FAM184B: variants seen among roughly 807,000 people sequenced by gnomAD.
FAM184B encodes family with sequence similarity 184 member B.
Under a neutral mutation model 135.9 loss-of-function variants are expected in FAM184B, and 111 were observed. The observed-to-expected ratio is 0.82, with a 90% CI of 0.70 to 0.96. The LOEUF is 0.96. Ranked by LOEUF, FAM184B falls within the 40% of genes least tolerant of loss-of-function variation. FAM184B has a pLI of 0.00. For missense variants in FAM184B, 1,375 were observed against 1,323.9 expected (o/e 1.04, Z -0.60); for synonymous variants, 552 against 524.8 (o/e 1.05, Z -0.71).
chr4:17,671,220 C>T (rs1716162316), intron 7 of FAM184B, among the ~76,000 whole-genome samples: 1 of 151,986 alleles, frequency 6.6e-6, no homozygotes, highest in African/African-American at 2.4e-5. Context: ...CATGAAGAGA[C>T]CCCCTACACC....
intron 1 of FAM184B, among the ~76,000 whole-genome samples, chr4:17,727,681 T>C (rs959531156): frequency 6.6e-6 from 1 of 152,114 alleles, no homozygotes; most frequent in Non-Finnish European, 1.5e-5. Context: ...ACAGAACTCA[T>C]GAGAACTCAC....
chr4:17,658,317 G>T (rs758544420), intron 10 of FAM184B, 33 bp downstream of exon 10: 30 of 1,546,118 alleles, frequency 1.9e-5, no homozygotes, highest in Non-Finnish European at 7.9e-6. Flanking sequence ...GCAGGTGCCC[G>T]GCACAGAGTA....
rs569728839 is a variant in FAM184B, at chr4:17,740,560, T to C, written c.142-30916A>G. On this transcript the variant is annotated intron_variant, in intron 1 of 17. Transcript: ENST00000265018. ...CCTAGTTGAGCCACTGTTTATACTC[T>C]TCATTTCTTGAAATAAAATACATAA... Among the ~76,000 whole-genome samples, 6 of 152,300 alleles carry C rather than the reference T, an allele frequency of 3.9e-5. No homozygotes were observed. The South Asian group carries it at 1.2e-3, about 32-fold the overall frequency.
Position 17,641,455 on chromosome 4 carries a change from C to T in FAM184B, c.2519+601G>A, listed in dbSNP as rs1042062608. On this transcript the variant is annotated intron_variant, in intron 13 of 17. Transcript: ENST00000265018. ...CTGATTTGCAGGGAAACAAACAGGA[C>T]TCCCTCTTTTTTTTTTTTTTTTTTT... is the stretch of plus-strand genomic sequence containing the variant. 2.4e-5 allele frequency among the ~76,000 whole-genome samples: 3 copies of T among 125,534 alleles called. No individual in the cohort carries two copies. In the East Asian group the frequency reaches 7.4e-4, roughly 31 times the overall value. 82.4% of individuals were successfully genotyped at this position (125,534 alleles called of 152,430 possible).
chr4:17,680,471 A>G lies in FAM184B; in HGVS notation c.1596+7953T>C, dbSNP rs1466726882. ...GACACCACCTGTTCCCCAAAACCCT[A>G]CTGAAATAAACAAAACAAAACAAAA... On this transcript the variant is annotated intron_variant, in intron 7 of 17. Coordinates refer to ENST00000265018, the MANE Select transcript of FAM184B (RefSeq NM_015688.2). 2.0e-5 allele frequency among the ~76,000 whole-genome samples: 3 copies of G among 152,302 alleles called. No individual in the cohort carries two copies. In the East Asian group the frequency reaches 5.8e-4, roughly 29 times the overall value.
chr4:17,706,319 C>T (rs1717117587), intron 3 of FAM184B, among the ~76,000 whole-genome samples: 1 of 152,212 alleles, frequency 6.6e-6, no homozygotes. Context: ...ACCCACAACA[C>T]CTTTCTGGTT....
At chr4:17,719,776 A>G (rs956587957) in intron 1 of FAM184B, among the ~76,000 whole-genome samples, 69 of 152,248 alleles carry the variant, frequency 4.5e-4, no homozygotes, top group African/African-American at 1.6e-3. Flanking sequence ...CAACTTCCCT[A>G]TTCCTCTTGA....
intron 7 of FAM184B, among the ~76,000 whole-genome samples, chr4:17,673,881 C>T (rs1323508555): frequency 2.6e-5 from 4 of 151,992 alleles, no homozygotes; most frequent in Non-Finnish European, 4.4e-5. Context: ...ACTCATGTAA[C>T]CAAACACCAC....
At chr4:17,695,594 T>C (rs11722132) in intron 5 of FAM184B, among the ~76,000 whole-genome samples, 92,969 of 151,892 alleles carry the variant, frequency 0.61, 29,032 homozygotes, top group East Asian at 0.93. Context: ...GGGCCTGTGG[T>C]GGCAGTGCAG....
At chr4:17,719,226 G>C (rs1717465785) in intron 1 of FAM184B, among the ~76,000 whole-genome samples, 1 of 152,164 alleles carries the variant, frequency 6.6e-6, no homozygotes, top group Non-Finnish European at 1.5e-5. Context: ...TTGAAAACAA[G>C]CACTGTGACA....
chr4:17,640,539 G>A (rs1424011649), intron 13 of FAM184B, among the ~76,000 whole-genome samples: 1 of 151,052 alleles, frequency 6.6e-6, no homozygotes, highest in Admixed American at 6.6e-5. Context: ...AGCAATTTTG[G>A]GCCAACACAA....
rs1259506767 is a variant in FAM184B at position 17,707,829 on chromosome 4, A to G, written c.895-45T>C. On this transcript the variant is annotated intron_variant, in intron 2 of 17. Coordinates refer to ENST00000265018, the MANE Select transcript of FAM184B (RefSeq NM_015688.2). Reference sequence around the variant, plus strand: ...CCCATTTCTCTGGTTATAGCTCTGTATAGAGACATCCTGTGTACACAGAAT... The same window carrying G: ...CCCATTTCTCTGGTTATAGCTCTGTGTAGAGACATCCTGTGTACACAGAAT... The G allele has an allele frequency of 1.6e-5, 25 of 1,549,650 alleles. No homozygotes were observed. The East Asian group carries it at 6.1e-4, about 38-fold the overall frequency.
intron 1 of FAM184B, among the ~76,000 whole-genome samples, chr4:17,767,518 A>C (rs1346037324): frequency 6.6e-6 from 1 of 152,254 alleles, no homozygotes; most frequent in East Asian, 1.9e-4. Flanking sequence ...CAAGTTTTAA[A>C]GGTTTAGGAG....
chr4:17,673,388 C>A (rs954522282), intron 7 of FAM184B, among the ~76,000 whole-genome samples: 3 of 152,060 alleles, frequency 2.0e-5, no homozygotes, highest in African/African-American at 7.2e-5. Flanking sequence ...TAGGAACTAC[C>A]GTTTGATCCA....
chr4:17,730,489 G>GA lies in FAM184B; in HGVS notation c.142-20846dup, dbSNP rs1412286890. Among the ~76,000 whole-genome samples the GA allele has an allele frequency of 2.0e-5, 3 of 152,236 alleles. No individual in the cohort carries two copies. The East Asian group carries it at 5.8e-4, about 29-fold the overall frequency. On this transcript the variant is annotated intron_variant, in intron 1 of 17. Transcript: ENST00000265018. ...CAGATTCACCAAAGTTGAAATGAAG[G>GA]AAAAAATGTTAAGGGCAGCCAGAGA...
intron 12 of FAM184B, among the ~76,000 whole-genome samples, chr4:17,645,126 G>A (rs1236135624): frequency 7.2e-5 from 11 of 152,284 alleles, no homozygotes; most frequent in Middle Eastern, 3.4e-3. Context: ...TGGATAGGAA[G>A]AATCAATATT....
intron 1 of FAM184B, among the ~76,000 whole-genome samples, chr4:17,778,593 C>A (rs1447648382): frequency 1.3e-5 from 2 of 152,188 alleles, no homozygotes; most frequent in Non-Finnish European, 2.9e-5. Context: ...AATGCGGTGG[C>A]ACATGCCTGA....
chr4:17,635,611 A>G (rs1208659895), intron 15 of FAM184B, among the ~76,000 whole-genome samples: 1 of 151,926 alleles, frequency 6.6e-6, no homozygotes, highest in African/African-American at 2.4e-5. Context: ...ACTAAATTCC[A>G]GTTATTACAT....
chr4:17,682,192 AG>A (rs1381212626), intron 7 of FAM184B, among the ~76,000 whole-genome samples: 1 of 152,222 alleles, frequency 6.6e-6, no homozygotes, highest in Non-Finnish European at 1.5e-5. Context: ...CCGCCCGTTC[AG>A]TGTGGCCCAG....
Sources: allele counts gnomAD v4.1 joint callset (sites outside exome capture counted in the v4.1 genomes callset), GRCh38; gene constraint gnomAD v4.1.1; transcripts MANE v1.5; gene names NCBI Gene and HGNC (gene_info 2026-07-23, HGNC 2026-07-21).